SEC24C: variants seen among roughly 807,000 people sequenced by gnomAD.
SEC24C encodes the protein SEC24 homolog C, COPII component.
SEC24C carries 22 observed loss-of-function variants against 117.0 expected under a neutral mutation model. The observed-to-expected ratio is 0.19, with a 90% CI of 0.13 to 0.27. SEC24C has a LOEUF of 0.27. SEC24C is among the 10% of genes least tolerant of loss of function. The pLI, the probability that SEC24C is intolerant of heterozygous loss-of-function variation, is 1.00. For missense variants in SEC24C, 1,155 were observed against 1,375.1 expected (o/e 0.84, Z 2.53); for synonymous variants, 506 against 529.4 (o/e 0.96, Z 0.61).
intron 6 of SEC24C, chr10:73,762,239 T>C (rs922430572): frequency 9.9e-7 from 1 of 1,009,200 alleles, no homozygotes; most frequent in Non-Finnish European, 1.4e-6. Flanking sequence ...TGTGACCTCA[T>C]CTTCACCTCA....
intron 8 of SEC24C, 131 bp from the exon 9 acceptor site, chr10:73,765,320 T>C (rs1002425890): frequency 1.1e-6 from 1 of 914,792 alleles, no homozygotes; most frequent in Non-Finnish European, 1.7e-6. Context: ...TTCATCATTG[T>C]GCTCCCTACT....
In SEC24C at chr10:73,767,842, G is replaced by T. The variant is rs774876860; in HGVS notation, c.2016G>T (p.Leu672=). 6.2e-7 allele frequency: 1 copy of T among 1,609,146 alleles called. No individual in the cohort carries two copies. The highest frequency in any genetic ancestry group is 1.3e-5 in the African/African-American group (1 of 74,800). Residue 672 remains leucine (L), a synonymous_variant, in exon 15 of 23, where the codon CTG becomes CTT. Transcript: ENST00000345254. ...KLINTDKEKT[L]FQPQTGAYQT... is the part of the protein sequence containing the mutation. Reference sequence around the variant, plus strand: ...CCCATTTTCTTTCCCCCTAGACTCTGTTCCAGCCTCAGACAGGTGCCTATC... The same window carrying T: ...CCCATTTTCTTTCCCCCTAGACTCTTTTCCAGCCTCAGACAGGTGCCTATC...
chr10:73,770,941 A>T lies in SEC24C; in HGVS notation c.3145-14A>T, dbSNP rs370573775. ...CTTTGGCCTTGCCTTATGAACCCTG[A>T]ATTCTGGCCGTAGCTTACCGTGGTG... On this transcript the variant is annotated splice_polypyrimidine_tract_variant and intron_variant, in intron 22 of 22. Transcript: ENST00000345254. The T allele has an allele frequency of 5.9e-5, 96 of 1,614,144 alleles. No homozygotes were observed. In the African/African-American group the frequency reaches 8.7e-4, roughly 15 times the overall value.
intron 3 of SEC24C, among the ~76,000 whole-genome samples, chr10:73,757,213 C>T (rs2082722633): frequency 7.0e-6 from 1 of 143,490 alleles, no homozygotes; most frequent in South Asian, 2.2e-4. Flanking sequence ...TGCACCTGGC[C>T]TAATTTTTTT....
intron 10 of SEC24C, 67 bp downstream of exon 10, chr10:73,765,982 T>A: frequency 6.3e-7 from 1 of 1,583,542 alleles, no homozygotes; most frequent in Non-Finnish European, 8.7e-7. Flanking sequence ...ATGGCTGTTA[T>A]CATTTCCCTC....
At position 73,768,951 on chromosome 10, in the gene SEC24C, G is replaced by T. The variant is rs200508557; in HGVS notation, c.2278+45G>T. Reference sequence around the variant, plus strand: ...CAGGTTGGGGGGCTAAATATGGAAGGGAGGCATGTGGCACTTGTCATACTT... The same window carrying T: ...CAGGTTGGGGGGCTAAATATGGAAGTGAGGCATGTGGCACTTGTCATACTT... On this transcript the variant is annotated intron_variant, in intron 16 of 22. Transcript: ENST00000345254. The T allele has an allele frequency of 6.8e-6, 11 of 1,614,032 alleles. No homozygotes were observed. In the East Asian group the frequency reaches 2.4e-4, roughly 36 times the overall value.
chr10:73,761,977 G>C (rs901050917), intron 6 of SEC24C: 1 of 562,276 alleles, frequency 1.8e-6, no homozygotes. Flanking sequence ...TCAGCAATAT[G>C]AGCTGGGCTC....
At position 73,760,185 on chromosome 10, in the gene SEC24C, G is replaced by C; in HGVS notation, c.649G>C (p.Ala217Pro). ...ACAGGCCTCCAGCTTCACACCCCCAGCTTCAGGGGGTCCTCGGCTGCCTTC... is the reference window on the plus strand; with the variant it reads ...ACAGGCCTCCAGCTTCACACCCCCACCTTCAGGGGGTCCTCGGCTGCCTTC... ...PSQASSFTPP[A>P]SGGPRLPSMT... Residue 217 changes from alanine to proline, a missense_variant, in exon 5 of 23, where the codon GCT becomes CCT. Coordinates refer to ENST00000345254, the MANE Select transcript of SEC24C (RefSeq NM_198597.3). The C allele has an allele frequency of 1.2e-6, 2 of 1,614,132 alleles. No homozygotes were observed.
chr10:73,747,629 G>A (rs900804317), intron 2 of SEC24C, among the ~76,000 whole-genome samples: 1 of 151,024 alleles, frequency 6.6e-6, no homozygotes, highest in African/African-American at 2.4e-5. Flanking sequence ...TGGGATTATA[G>A]GCGTGAGCTA....
intron 3 of SEC24C, 45 bp downstream of exon 3, chr10:73,751,288 C>G (rs1444204122): frequency 1.9e-6 from 3 of 1,576,370 alleles, no homozygotes; most frequent in Non-Finnish European, 2.6e-6. Context: ...AGGCTGAGTG[C>G]AGTGGCTCAT....
At chr10:73,747,035 A>G in intron 2 of SEC24C, 31 bp downstream of exon 2, 1 of 1,597,328 alleles carries the variant, frequency 6.3e-7, no homozygotes, top group Non-Finnish European at 8.5e-7. Context: ...CCTTTGAGCT[A>G]GGGAGGGAAA....
chr10:73,750,525 C>T (rs1423464836), intron 2 of SEC24C, among the ~76,000 whole-genome samples: 1 of 152,190 alleles, frequency 6.6e-6, no homozygotes, highest in African/African-American at 2.4e-5. Flanking sequence ...AACTGTTGGG[C>T]AGAAACAAGG....
intron 3 of SEC24C, among the ~76,000 whole-genome samples, chr10:73,758,045 G>A (rs1178419112): frequency 6.6e-6 from 1 of 151,380 alleles, no homozygotes; most frequent in Non-Finnish European, 1.5e-5. Context: ...GACCAGCCCG[G>A]CCAACATAGT....
At chr10:73,770,085 G>A in intron 20 of SEC24C, 70 bp downstream of exon 20, 1 of 1,430,054 alleles carries the variant, frequency 7.0e-7, no homozygotes, top group South Asian at 1.2e-5. Context: ...GAAAGGATAG[G>A]CTAGTATCAG....
intron 3 of SEC24C, among the ~76,000 whole-genome samples, chr10:73,758,532 TC>T (rs1219998216): frequency 6.6e-6 from 1 of 152,184 alleles, no homozygotes; most frequent in African/African-American, 2.4e-5. Context: ...AATACTGCAT[TC>T]TTTAACTACC....
intron 6 of SEC24C, among the ~76,000 whole-genome samples, chr10:73,763,199 G>A (rs2082823980): frequency 6.6e-6 from 1 of 152,162 alleles, no homozygotes; most frequent in African/African-American, 2.4e-5. Context: ...TGGGAGGAAT[G>A]AGAGGGTGTT....
intron 2 of SEC24C, among the ~76,000 whole-genome samples, chr10:73,747,245 T>G (rs1468267819): frequency 6.6e-6 from 1 of 152,234 alleles, no homozygotes; most frequent in Non-Finnish European, 1.5e-5. Flanking sequence ...TACAGTGGCA[T>G]GATCTCAACT....
At chr10:73,754,573 G>C (rs953387897) in intron 3 of SEC24C, among the ~76,000 whole-genome samples, 1 of 152,152 alleles carries the variant, frequency 6.6e-6, no homozygotes, top group Non-Finnish European at 1.5e-5. Context: ...CTGACCAACA[G>C]ATACCAAAAT....
At position 73,759,814 on chromosome 10, in the gene SEC24C, G is replaced by T; in HGVS notation, c.481+20G>T. 6.5e-7 allele frequency: 1 copy of T among 1,546,704 alleles called. No individual in the cohort carries two copies. ...GCTTTGGTGAGTGGCTGTGAACACA[G>T]GAATGTTACTGTCCCCTGTTCAGAG... On this transcript the variant is annotated intron_variant, in intron 4 of 22. Transcript: ENST00000345254.
Sources: gnomAD v4.1 joint callset for allele counts (sites outside exome capture counted in the v4.1 genomes callset) on GRCh38, gnomAD v4.1.1 for gene constraint, MANE v1.5 for transcripts, NCBI Gene and HGNC (gene_info 2026-07-23, HGNC 2026-07-21) for gene names.